The following DNAH11 variants were observed in gnomAD, a reference collection of about 807,000 sequenced individuals.
DNAH11 encodes the protein dynein axonemal heavy chain 11, also known as axonemal beta dynein heavy chain 11.
In DNAH11, 442 loss-of-function variants were observed where a neutral mutation model predicts 526.0. That is an observed-to-expected ratio of 0.84 (90% CI 0.78 to 0.91). DNAH11 has a LOEUF of 0.91. Among genes scored for constraint, DNAH11 ranks in the 40% least tolerant of loss-of-function variants. The probability of loss-of-function intolerance (pLI) is 0.00; values close to 1 mark genes in which losing one functional copy is unlikely to be tolerated. For missense variants in DNAH11, 6,989 were observed against 5,448.7 expected, an observed-to-expected ratio of 1.28 and a Z score of -8.90; for synonymous variants, 2,461 against 1,935.9, an observed-to-expected ratio of 1.27 and a Z score of -7.12.
chr7:21,688,450 T>C (rs1035035009), intron 34 of DNAH11, among the ~76,000 whole-genome samples: 2 of 152,208 alleles, frequency 1.3e-5, no homozygotes, highest in Non-Finnish European at 2.9e-5. Flanking sequence ...TTACTTTCTC[T>C]ATATTTTCTC....
intron 8 of DNAH11, among the ~76,000 whole-genome samples, chr7:21,576,877 G>C (rs1784115579): frequency 6.6e-6 from 1 of 152,104 alleles, no homozygotes; most frequent in African/African-American, 2.4e-5. Flanking sequence ...TTTCTGGGCA[G>C]GCAGAAAGAG....
At chr7:21,838,478 C>T (rs1046554488) in intron 65 of DNAH11, among the ~76,000 whole-genome samples, 1 of 152,182 alleles carries the variant, frequency 6.6e-6, no homozygotes, top group Non-Finnish European at 1.5e-5. Flanking sequence ...TCAACACAAT[C>T]TGTTTTAAAA....
chr7:21,682,922 G>A (rs1384943673), intron 31 of DNAH11, among the ~76,000 whole-genome samples: 1 of 152,006 alleles, frequency 6.6e-6, no homozygotes, highest in African/African-American at 2.4e-5. Context: ...ACTTTTCCTT[G>A]CAAAACATCG....
In DNAH11 at chr7:21,702,814, C is replaced by T. The variant is rs373278618; in HGVS notation, c.6273+12C>T. ...GACCCGAAGATCAGGTACTGCAATG[C>T]TAATATGATTTTGTTGAGTGAGTAG... On this transcript the variant is annotated intron_variant, in intron 37 of 81. Coordinates refer to ENST00000409508, the MANE Select transcript of DNAH11 (RefSeq NM_001277115.2). 1 of 1,607,534 alleles carries T rather than the reference C, an allele frequency of 6.2e-7. No homozygotes were observed. The highest frequency in any genetic ancestry group is 1.3e-5 in the African/African-American group (1 of 74,792).
rs1282190980 is a variant in DNAH11, at chr7:21,559,758, TGAG to T, written c.852_854del (p.Arg285del). 4 of 1,606,310 alleles carry T rather than the reference TGAG, an allele frequency of 2.5e-6. No homozygotes were observed. Among genetic ancestry groups the T allele is most frequent in the South Asian group, 1.1e-5 (1 of 89,514 alleles). The stretch of plus-strand genomic sequence containing the variant: ...CAAGCAGAACTAGATTTCTGGATGA[TGAG>T]GAGAGAAAATCTGTCATGCATTTAT... On this transcript the variant is annotated inframe_deletion, in exon 4 of 82. Transcript: ENST00000409508.
chr7:21,856,811 C>T (rs1782868571), intron 68 of DNAH11, among the ~76,000 whole-genome samples: 1 of 151,922 alleles, frequency 6.6e-6, no homozygotes. Context: ...CAACTCTCAA[C>T]TAATGAATAG....
chr7:21,772,323 G>A lies in DNAH11; in HGVS notation c.9103-1443G>A, dbSNP rs566790985. On this transcript the variant is annotated intron_variant, in intron 55 of 81. Transcript: ENST00000409508. ...CTCATAAGGATCATGGTTGGGCAGAGGCCAGAGTGTTTTTTTTTTTTCTTC... is the reference window on the plus strand; with the variant it reads ...CTCATAAGGATCATGGTTGGGCAGAAGCCAGAGTGTTTTTTTTTTTTCTTC... Among the ~76,000 whole-genome samples, 78 of 148,222 alleles carry A rather than the reference G, an allele frequency of 5.3e-4. 1 individual carries two copies. Among genetic ancestry groups the A allele is most frequent in the Non-Finnish European group, 7.8e-4 (53 of 67,624 alleles).
chr7:21,900,369 A>T, intron 81 of DNAH11, among the ~76,000 whole-genome samples: 1 of 152,252 alleles, frequency 6.6e-6, no homozygotes, highest in East Asian at 1.9e-4. Flanking sequence ...ATGCCACTGA[A>T]TAACATCATT....
At chr7:21,781,381 G>A (rs1018055119) in intron 57 of DNAH11, among the ~76,000 whole-genome samples, 15 of 152,302 alleles carry the variant, frequency 9.8e-5, no homozygotes, top group Admixed American at 8.5e-4. Context: ...TTGAACCACT[G>A]GGCATTGCCA....
chr7:21,702,779 G>A lies in DNAH11; in HGVS notation c.6250G>A (p.Asp2084Asn). Residue 2084 changes from aspartate to asparagine, a missense_variant, in exon 37 of 82, where the codon GAT becomes AAT. By Grantham distance (23) the Asp-to-Asn change is conservative. Transcript: ENST00000409508. ...LVVAGSLKRG[D>N]KNRPEDQVLM... ...TGTGGCTGGATCTCTGAAACGAGGA[G>A]ATAAAAATAGACCCGAAGATCAGGT... 1.2e-6 allele frequency: 2 copies of A among 1,613,192 alleles called. No individual in the cohort carries two copies. The highest frequency in any genetic ancestry group is 8.5e-7 in the Non-Finnish European group (1 of 1,179,596).
intron 8 of DNAH11, among the ~76,000 whole-genome samples, chr7:21,581,361 C>T (rs78661748): frequency 0.011 from 1,600 of 152,214 alleles, 52 homozygotes; most frequent in South Asian, 0.071. Context: ...ACTGGGAAAA[C>T]GTAAGAGTAT....
At chr7:21,680,819 C>A (rs936370882) in intron 30 of DNAH11, among the ~76,000 whole-genome samples, 1 of 152,090 alleles carries the variant, frequency 6.6e-6, no homozygotes, top group Non-Finnish European at 1.5e-5. Flanking sequence ...TTTTAAAAAC[C>A]AAAGCAAACA....
intron 54 of DNAH11, among the ~76,000 whole-genome samples, chr7:21,757,877 A>T (rs1786707604): frequency 6.6e-6 from 1 of 152,266 alleles, no homozygotes; most frequent in Non-Finnish European, 1.5e-5. Context: ...CATTTTGTGT[A>T]AAAGCTCAAC....
At chr7:21,632,564 C>G (rs1786665109) in intron 25 of DNAH11, among the ~76,000 whole-genome samples, 1 of 152,024 alleles carries the variant, frequency 6.6e-6, no homozygotes, top group South Asian at 2.1e-4. Context: ...TTAAAAGTGC[C>G]AAAAATCTCT....
Position 21,543,578 on chromosome 7 carries a change from C to T in DNAH11, c.333C>T (p.Arg111=). The change falls in exon 1 of 82, where the codon CGC becomes CGT. Residue 111 remains arginine, a synonymous_variant. Transcript: ENST00000409508. ...TGTTTAGCTTCGCCGCCTCGGGGCG[C>T]CTTGCGGCTTCCCAGGAGGTAAGAG... ...CLVFSFAASG[R]LAASQEIPRD... 1.9e-6 allele frequency: 3 copies of T among 1,598,290 alleles called. No individual in the cohort carries two copies. Among genetic ancestry groups the T allele is most frequent in the Non-Finnish European group, 2.6e-6 (3 of 1,172,158 alleles).
chr7:21,728,328 G>T (rs1417545567), intron 45 of DNAH11, among the ~76,000 whole-genome samples: 1 of 131,470 alleles, frequency 7.6e-6, no homozygotes, highest in Non-Finnish European at 1.5e-5. Flanking sequence ...TGCAATCTTG[G>T]CTCACTGCAA....
chr7:21,684,080 G>C, intron 32 of DNAH11, 136 bp downstream of exon 32: 1 of 918,964 alleles, frequency 1.1e-6, no homozygotes, highest in South Asian at 2.0e-5. Flanking sequence ...TTGAATTAGA[G>C]AAACAGAGTT....
chr7:21,734,805 C>CTGA (rs1785531994), intron 45 of DNAH11, among the ~76,000 whole-genome samples: 1 of 151,768 alleles, frequency 6.6e-6, no homozygotes, highest in Non-Finnish European at 1.5e-5. Context: ...CTGCAGTTAG[C>CTGA]CATCATCACG....
intron 79 of DNAH11, among the ~76,000 whole-genome samples, chr7:21,895,442 T>C (rs912052835): frequency 3.9e-5 from 6 of 152,184 alleles, no homozygotes; most frequent in African/African-American, 1.4e-4. Flanking sequence ...TAATATGGTA[T>C]GCAGTATGCA....
Sources: allele counts gnomAD v4.1 joint callset (sites outside exome capture counted in the v4.1 genomes callset), GRCh38; gene constraint gnomAD v4.1.1; transcripts MANE v1.5; gene names NCBI Gene and HGNC (gene_info 2026-07-23, HGNC 2026-07-21).